The following MYO1B variants were observed in gnomAD, a reference collection of about 807,000 sequenced individuals.
MYO1B encodes unconventional myosin-Ib.
Under a neutral mutation model 159.7 loss-of-function variants are expected in MYO1B, and 72 were observed. The observed-to-expected ratio is 0.45, with a 90% CI of 0.37 to 0.55. The LOEUF is 0.55. Ranked by LOEUF, MYO1B falls within the 20% of genes least tolerant of loss-of-function variation. MYO1B has a pLI of 0.00. For synonymous variants in MYO1B, 468 were observed against 473.8 expected, an observed-to-expected ratio of 0.99 and a Z score of 0.16; for missense variants, 1,062 against 1,364.8, an observed-to-expected ratio of 0.78 and a Z score of 3.50.
intron 2 of MYO1B, among the ~76,000 whole-genome samples, chr2:191,292,823 T>G (rs887796428): frequency 6.6e-6 from 1 of 152,170 alleles, no homozygotes; most frequent in African/African-American, 2.4e-5. Context: ...CTCTCAGAAA[T>G]TAAAGGCTTA....
At chr2:191,251,276 C>G (rs1419736665) in intron 1 of MYO1B, among the ~76,000 whole-genome samples, 1 of 152,224 alleles carries the variant, frequency 6.6e-6, no homozygotes, top group Non-Finnish European at 1.5e-5. Flanking sequence ...CAGCATGCCA[C>G]AGGGCATCCA....
At chr2:191,328,175 G>A (rs1288251558) in intron 3 of MYO1B, among the ~76,000 whole-genome samples, 1 of 152,200 alleles carries the variant, frequency 6.6e-6, no homozygotes, top group Non-Finnish European at 1.5e-5. Flanking sequence ...TGAAGATTAA[G>A]TCCAATTGTG....
intron 23 of MYO1B, chr2:191,402,142 T>TC (rs1696653861): frequency 6.6e-6 from 1 of 152,418 alleles, no homozygotes; most frequent in Non-Finnish European, 1.5e-5. Flanking sequence ...TAAACTTTTT[T>TC]CCTCCCAGTT....
At chr2:191,292,198 G>A (rs1688725570) in intron 2 of MYO1B, among the ~76,000 whole-genome samples, 1 of 152,158 alleles carries the variant, frequency 6.6e-6, no homozygotes, top group South Asian at 2.1e-4. Context: ...GATAAAACTT[G>A]TCCTGCTTGG....
intron 30 of MYO1B, among the ~76,000 whole-genome samples, chr2:191,423,374 T>C (rs368791360): frequency 8.5e-5 from 13 of 152,334 alleles, no homozygotes; most frequent in African/African-American, 2.6e-4. Context: ...GGTACGACTG[T>C]ATAGGCCAGC....
At chr2:191,383,473 T>TATATATATATATATATAC (rs1170563038) in intron 15 of MYO1B, 131 bp downstream of exon 15, 14 of 119,848 alleles carry the variant, frequency 1.2e-4, no homozygotes, top group African/African-American at 5.4e-4. Flanking sequence ...TATATATATA[T>TATATATATATATATATAC]ACACACACAC....
At chr2:191,261,319 A>G (rs1686797671) in intron 1 of MYO1B, among the ~76,000 whole-genome samples, 1 of 152,228 alleles carries the variant, frequency 6.6e-6, no homozygotes, top group South Asian at 2.1e-4. Context: ...ATAAGAATGA[A>G]TTTCCATAAA....
chr2:191,308,559 C>G (rs1689792496), intron 3 of MYO1B, among the ~76,000 whole-genome samples: 2 of 152,106 alleles, frequency 1.3e-5, no homozygotes, highest in South Asian at 4.1e-4. Flanking sequence ...TTTTTTCTTT[C>G]TTCTTCCATT....
rs73981557 is a variant in MYO1B, at chr2:191,316,392, A to G, written c.252-13543A>G. Among the ~76,000 whole-genome samples the G allele has an allele frequency of 5.0e-3, 764 of 152,320 alleles. 8 individuals are homozygous for G. The highest frequency in any genetic ancestry group is 0.017 in the African/African-American group (718 of 41,562). On this transcript the variant is annotated intron_variant, in intron 3 of 30. Coordinates refer to ENST00000392318, the MANE Select transcript of MYO1B (RefSeq NM_001130158.3). The stretch of plus-strand genomic sequence containing the variant: ...AAGTTCTCCAGACTGGAACTGATTT[A>G]TGATAATGATTCCCAGTCTTTGGGC...
At chr2:191,375,358 G>A (rs867456331) in intron 13 of MYO1B, among the ~76,000 whole-genome samples, 5 of 152,142 alleles carry the variant, frequency 3.3e-5, no homozygotes, top group Admixed American at 2.0e-4. Flanking sequence ...TTCTACTCTA[G>A]TTTCTTGCCT....
At chr2:191,402,560 G>C in intron 23 of MYO1B, 72 bp from the exon 24 acceptor site, 1 of 1,275,042 alleles carries the variant, frequency 7.8e-7, no homozygotes, top group Non-Finnish European at 1.1e-6. Flanking sequence ...TGTTTGGTGG[G>C]ATATCTTTTT....
intron 23 of MYO1B, chr2:191,402,015 T>A (rs1696646132): frequency 1.3e-5 from 2 of 152,966 alleles, no homozygotes; most frequent in African/African-American, 4.8e-5. Flanking sequence ...TTCCTGTATA[T>A]TTTACTTTTG....
At chr2:191,278,664 TG>T (rs1405223662) in intron 2 of MYO1B, among the ~76,000 whole-genome samples, 1 of 152,232 alleles carries the variant, frequency 6.6e-6, no homozygotes, top group Non-Finnish European at 1.5e-5. Flanking sequence ...CTGATCCAAA[TG>T]GAAAAGGTAT....
chr2:191,249,347 T>C (rs564834986), intron 1 of MYO1B, among the ~76,000 whole-genome samples: 5 of 152,352 alleles, frequency 3.3e-5, no homozygotes, highest in African/African-American at 1.2e-4. Flanking sequence ...GGCAGTAGCC[T>C]TTTACAGAAG....
intron 1 of MYO1B, among the ~76,000 whole-genome samples, chr2:191,246,862 C>A (rs1307918939): frequency 6.6e-6 from 1 of 152,126 alleles, no homozygotes; most frequent in Non-Finnish European, 1.5e-5. Context: ...CCACACACAC[C>A]AGCGTTTGGG....
chr2:191,275,329 C>G (rs182917027), intron 1 of MYO1B, among the ~76,000 whole-genome samples: 2 of 151,264 alleles, frequency 1.3e-5, no homozygotes, highest in Admixed American at 1.3e-4. Context: ...TATGGGAGAA[C>G]CTCTCATAAA....
Position 191,390,444 on chromosome 2 carries a change from A to G in MYO1B, c.1934A>G (p.Tyr645Cys), listed in dbSNP as rs775824635. The G allele has an allele frequency of 1.4e-5, 22 of 1,614,136 alleles. No homozygotes were observed. The Admixed American group carries it at 3.7e-4, about 27-fold the overall frequency. Residue 645 changes from tyrosine (Y) to cysteine (C), a missense_variant, in exon 18 of 31, where the codon TAC becomes TGC. Coordinates refer to ENST00000392318, the MANE Select transcript of MYO1B (RefSeq NM_001130158.3). Reference protein sequence around the residue: ...RQAYEPCLERYKMLCKQTWPH... With the variant: ...RQAYEPCLERCKMLCKQTWPH... ...GCCTATGAACCTTGCCTAGAAAGAT[A>G]CAAAATGCTTTGTAAACAAACATGG...
At chr2:191,404,327 A>T (rs192986787) in intron 24 of MYO1B, among the ~76,000 whole-genome samples, 3 of 152,208 alleles carry the variant, frequency 2.0e-5, no homozygotes, top group African/African-American at 7.2e-5. Context: ...GCCCTGTCGA[A>T]TATCAAAATG....
chr2:191,374,092 T>A (rs982673157), intron 13 of MYO1B, among the ~76,000 whole-genome samples: 1 of 152,166 alleles, frequency 6.6e-6, no homozygotes, highest in African/African-American at 2.4e-5. Context: ...TCACATACAT[T>A]CCCAGATGCC....
Sources: allele counts gnomAD v4.1 joint callset (sites outside exome capture counted in the v4.1 genomes callset), GRCh38; gene constraint gnomAD v4.1.1; transcripts MANE v1.5; gene names NCBI Gene and HGNC (gene_info 2026-07-23, HGNC 2026-07-21).